The following CACNB4 variants were observed in gnomAD, a reference collection of about 807,000 sequenced individuals.
CACNB4 encodes voltage-dependent L-type calcium channel subunit beta-4.
CACNB4 carries 32 observed loss-of-function variants against 71.2 expected under a neutral mutation model. The observed-to-expected ratio is 0.45, with a 90% CI of 0.34 to 0.60. CACNB4 has a LOEUF of 0.60. CACNB4 is among the 20% of genes least tolerant of loss of function. The pLI, the probability that CACNB4 is intolerant of heterozygous loss-of-function variation, is 0.01. For missense variants in CACNB4, 464 were observed against 647.9 expected (o/e 0.72, Z 3.08); for synonymous variants, 231 against 236.9 (o/e 0.97, Z 0.23).
intron 2 of CACNB4, among the ~76,000 whole-genome samples, chr2:152,035,651 C>CTCTCTA (rs796161186): frequency 0.11 from 13,329 of 117,640 alleles, 1,069 homozygotes; most frequent in Non-Finnish European, 0.15. Flanking sequence ...CTCTCTCTCT[C>CTCTCTA]TATATATATA....
intron 2 of CACNB4, among the ~76,000 whole-genome samples, chr2:151,915,731 T>C (rs4664068): frequency 0.95 from 145,097 of 152,082 alleles, 69,583 homozygotes; most frequent in East Asian, 1. Flanking sequence ...CCTGTAATCC[T>C]AGCTACTCAG....
chr2:152,043,938 G>A (rs1685006340), intron 2 of CACNB4, among the ~76,000 whole-genome samples: 1 of 152,094 alleles, frequency 6.6e-6, no homozygotes, highest in South Asian at 2.1e-4. Flanking sequence ...GGGCTTGATG[G>A]CACATTCCTA....
At chr2:152,016,955 C>T (rs6728019) in intron 2 of CACNB4, among the ~76,000 whole-genome samples, 108,675 of 151,952 alleles carry the variant, frequency 0.72, 39,980 homozygotes, top group Middle Eastern at 0.86. Context: ...AGAGTTTTCA[C>T]AGATTGCCCA....
intron 2 of CACNB4, among the ~76,000 whole-genome samples, chr2:152,050,634 T>C (rs1406977372): frequency 1.3e-5 from 2 of 152,130 alleles, no homozygotes; most frequent in Non-Finnish European, 2.9e-5. Flanking sequence ...GAGGATCACT[T>C]AACCCCTGAA....
intron 2 of CACNB4, among the ~76,000 whole-genome samples, chr2:151,959,248 T>C (rs1315750947): frequency 6.6e-6 from 1 of 152,238 alleles, no homozygotes; most frequent in Non-Finnish European, 1.5e-5. Context: ...ACTTCAAAAC[T>C]ATACATCTTC....
Position 151,988,710 on chromosome 2 carries a change from T to TC in CACNB4, c.148-105341dup, listed in dbSNP as rs1681517533. Among the ~76,000 whole-genome samples the TC allele has an allele frequency of 3.3e-5, 5 of 152,116 alleles. No homozygotes were observed. The South Asian group carries it at 1.0e-3, about 32-fold the overall frequency. Reference sequence around the variant, plus strand: ...TCCTTGAGTGGTAGAGAGAGGAGGCTCTGGTTTCTCCTCTTCTTCTATAAG... The same window carrying TC: ...TCCTTGAGTGGTAGAGAGAGGAGGCTCCTGGTTTCTCCTCTTCTTCTATAAG... On this transcript the variant is annotated intron_variant, in intron 2 of 13. Transcript: ENST00000539935.
chr2:151,963,550 C>T (rs907998554), intron 2 of CACNB4, among the ~76,000 whole-genome samples: 2 of 152,136 alleles, frequency 1.3e-5, no homozygotes, highest in Admixed American at 1.3e-4. Context: ...CCTAAAGTTG[C>T]TCTCCACAAT....
At chr2:152,034,872 T>C (rs1684474423) in intron 2 of CACNB4, among the ~76,000 whole-genome samples, 1 of 152,172 alleles carries the variant, frequency 6.6e-6, no homozygotes, top group South Asian at 2.1e-4. Flanking sequence ...GTTTCAACTT[T>C]CTATTCTCAG....
chr2:152,056,286 A>G (rs1033233046), intron 2 of CACNB4, among the ~76,000 whole-genome samples: 2 of 151,528 alleles, frequency 1.3e-5, no homozygotes, highest in Non-Finnish European at 2.9e-5. Flanking sequence ...GCATGAACCC[A>G]GGAGGCAGAG....
chr2:151,915,799 A>T (rs952298914), intron 2 of CACNB4, among the ~76,000 whole-genome samples: 7 of 148,170 alleles, frequency 4.7e-5, no homozygotes, highest in Non-Finnish European at 7.4e-5. Flanking sequence ...GTGAGCTGAG[A>T]TTGCGCCATA....
intron 2 of CACNB4, among the ~76,000 whole-genome samples, chr2:151,947,131 CAGA>C (rs2099865790): frequency 6.6e-6 from 1 of 152,176 alleles, no homozygotes; most frequent in Admixed American, 6.5e-5. Context: ...ACCGGATCCC[CAGA>C]AGGAGAGCCC....
At chr2:152,042,044 GC>G (rs1684900668) in intron 2 of CACNB4, among the ~76,000 whole-genome samples, 1 of 152,172 alleles carries the variant, frequency 6.6e-6, no homozygotes, top group Non-Finnish European at 1.5e-5. Context: ...CACACTTCTA[GC>G]CAAACCTCAC....
chr2:152,070,397 G>C (rs1686614754), intron 2 of CACNB4, among the ~76,000 whole-genome samples: 1 of 152,020 alleles, frequency 6.6e-6, no homozygotes, highest in African/African-American at 2.4e-5. Flanking sequence ...AGCTGGTTTG[G>C]GGTTGTAATT....
In CACNB4 at chr2:152,061,716, A is replaced by G. The variant is rs140659206; in HGVS notation, c.147+36614T>C. On this transcript the variant is annotated intron_variant, in intron 2 of 13. Transcript: ENST00000539935. The stretch of plus-strand genomic sequence containing the variant: ...ACAGTAGAATAAAGAATGATCATGT[A>G]AATAATGATTAGGGGCCAGGTGCAG... Among the ~76,000 whole-genome samples the G allele has an allele frequency of 1.7e-3, 261 of 152,066 alleles. 1 individual carries two copies. The highest frequency in any genetic ancestry group is 6.1e-3 in the African/African-American group (252 of 41,532).
intron 2 of CACNB4, among the ~76,000 whole-genome samples, chr2:151,952,778 T>G (rs2099867253): frequency 6.6e-6 from 1 of 152,100 alleles, no homozygotes; most frequent in South Asian, 2.1e-4. Flanking sequence ...TAAAAGCCTG[T>G]TTTATGATGT....
chr2:152,027,747 G>A (rs1193834035), intron 2 of CACNB4, among the ~76,000 whole-genome samples: 1 of 151,274 alleles, frequency 6.6e-6, no homozygotes, highest in Non-Finnish European at 1.5e-5. Context: ...AGCTACTCAG[G>A]AGGCTGAGGC....
At chr2:151,987,961 A>G (rs959294560) in intron 2 of CACNB4, among the ~76,000 whole-genome samples, 1 of 152,246 alleles carries the variant, frequency 6.6e-6, no homozygotes, top group East Asian at 1.9e-4. Context: ...TAGAAACTGT[A>G]ACTTTCCTTT....
chr2:152,086,401 T>G (rs554450856), intron 2 of CACNB4, among the ~76,000 whole-genome samples: 3 of 152,328 alleles, frequency 2.0e-5, no homozygotes, highest in East Asian at 1.9e-4. Flanking sequence ...CCTATTTCTC[T>G]CCCACACAAC....
intron 2 of CACNB4, among the ~76,000 whole-genome samples, chr2:151,920,323 T>C (rs980197130): frequency 9.9e-5 from 14 of 142,048 alleles, no homozygotes; most frequent in Middle Eastern, 3.6e-3. Context: ...TTCTTCTTTT[T>C]TTTTTTTTTT....
Sources: allele counts gnomAD v4.1 joint callset (sites outside exome capture counted in the v4.1 genomes callset), GRCh38; gene constraint gnomAD v4.1.1; transcripts MANE v1.5; gene names NCBI Gene and HGNC (gene_info 2026-07-23, HGNC 2026-07-21).